NT5E: variants seen among roughly 807,000 people sequenced by gnomAD.
The protein encoded by NT5E is 5'-nucleotidase.
A neutral mutation model predicts 55.1 loss-of-function variants in NT5E; 53 were observed. The ratio of observed to expected loss-of-function variants is 0.96; its 90% CI spans 0.77 to 1.21. NT5E has a LOEUF of 1.21. NT5E is among the 50% of genes most tolerant of loss of function. The pLI is 0.00. For synonymous variants in NT5E, 270 were observed against 278.4 expected, an observed-to-expected ratio of 0.97 and a Z score of 0.30; for missense variants, 683 against 724.3, an observed-to-expected ratio of 0.94 and a Z score of 0.65.
chr6:85,469,004 C>A (rs1769250243), intron 2 of NT5E, among the ~76,000 whole-genome samples: 1 of 152,218 alleles, frequency 6.6e-6, no homozygotes, highest in South Asian at 2.1e-4. Flanking sequence ...TCCAAGACTA[C>A]AGGCCCAGCG....
intron 3 of NT5E, 135 bp downstream of exon 3, chr6:85,471,560 G>A (rs146176862): frequency 3.6e-4 from 168 of 462,670 alleles, no homozygotes; most frequent in African/African-American, 3.1e-3. Flanking sequence ...TAATATATAT[G>A]TAATATACAT....
intron 3 of NT5E, among the ~76,000 whole-genome samples, chr6:85,473,618 C>T (rs138279598): frequency 3.1e-4 from 47 of 152,226 alleles, no homozygotes; most frequent in African/African-American, 1.0e-3. Context: ...CGTTCACATA[C>T]GAACATGCAA....
At chr6:85,488,417 A>G (rs1219395976) in intron 5 of NT5E, among the ~76,000 whole-genome samples, 1 of 152,228 alleles carries the variant, frequency 6.6e-6, no homozygotes, top group African/African-American at 2.4e-5. Flanking sequence ...CCTCAGCATC[A>G]TGCAGTCAAT....
chr6:85,473,235 G>T (rs541797789), intron 3 of NT5E, among the ~76,000 whole-genome samples: 1 of 152,168 alleles, frequency 6.6e-6, no homozygotes, highest in African/African-American at 2.4e-5. Flanking sequence ...ACCACTAATG[G>T]TGGGGTCCTT....
chr6:85,471,938 C>T (rs928648816), intron 3 of NT5E, among the ~76,000 whole-genome samples: 2 of 152,176 alleles, frequency 1.3e-5, no homozygotes, highest in Non-Finnish European at 2.9e-5. Flanking sequence ...CTGGAAGCCA[C>T]ATGACCCTGG....
chr6:85,482,266 G>A (rs1421150830), intron 3 of NT5E, among the ~76,000 whole-genome samples: 4 of 152,072 alleles, frequency 2.6e-5, no homozygotes, highest in South Asian at 2.1e-4. Context: ...AGGCCAAGGC[G>A]AGAGGACTGC....
chr6:85,476,161 T>C (rs17220898), intron 3 of NT5E, among the ~76,000 whole-genome samples: 12,488 of 152,188 alleles, frequency 0.082, 575 homozygotes, highest in Admixed American at 0.1. Context: ...GTTGATCCAA[T>C]ACCCCAAGTT....
At chr6:85,471,773 C>T (rs1320190925) in intron 3 of NT5E, among the ~76,000 whole-genome samples, 1 of 151,942 alleles carries the variant, frequency 6.6e-6, no homozygotes, top group Non-Finnish European at 1.5e-5. Flanking sequence ...TATCAAAAAG[C>T]AACATGTCAT....
rs1441177104 is a variant in NT5E at position 85,450,404 on chromosome 6, G to A, written c.265G>A (p.Gly89Ser). The A allele has an allele frequency of 1.9e-6, 3 of 1,602,592 alleles. No homozygotes were observed. Among genetic ancestry groups the A allele is most frequent in the East Asian group, 4.5e-5 (2 of 44,452 alleles). The part of the protein sequence containing the change: ...LLLDAGDQYQ[G>S]TIWFTVYKGA... Reference sequence around the variant, plus strand: ...GCTGGACGCCGGCGACCAGTACCAGGGCACTATCTGGTTCACCGTGTACAA... The same window carrying A: ...GCTGGACGCCGGCGACCAGTACCAGAGCACTATCTGGTTCACCGTGTACAA... Residue 89 changes from glycine (G) to serine (S), a missense_variant, in exon 1 of 9, where the codon GGC becomes AGC. Physicochemically the swap from Gly to Ser is moderately conservative, Grantham distance 56. Transcript: ENST00000257770. The surrounding 1 kb of genome is among the most constrained non-coding windows in gnomAD (Gnocchi z 4.0).
intron 2 of NT5E, among the ~76,000 whole-genome samples, chr6:85,469,827 G>A (rs1769268178): frequency 6.6e-6 from 1 of 152,224 alleles, no homozygotes; most frequent in African/African-American, 2.4e-5. Flanking sequence ...TATGATGTCA[G>A]CCATGAATTA....
intron 6 of NT5E, among the ~76,000 whole-genome samples, chr6:85,489,832 T>G (rs921794734): frequency 6.6e-6 from 1 of 152,308 alleles, no homozygotes; most frequent in Non-Finnish European, 1.5e-5. Context: ...ACACAGAAGC[T>G]GCAGGTAAGG....
intron 3 of NT5E, among the ~76,000 whole-genome samples, chr6:85,481,657 G>A (rs1769554173): frequency 1.3e-5 from 2 of 152,306 alleles, no homozygotes; most frequent in South Asian, 2.1e-4. Context: ...TCCTGGGCAC[G>A]TGGGTGTGGT....
intron 1 of NT5E, among the ~76,000 whole-genome samples, chr6:85,459,714 T>G (rs533345550): frequency 6.6e-6 from 1 of 152,346 alleles, no homozygotes; most frequent in East Asian, 1.9e-4. Flanking sequence ...CCTGTTGTTA[T>G]TGTTAAATGA....
At position 85,490,525 on chromosome 6, in the gene NT5E, A is replaced by T; in HGVS notation, c.1228A>T (p.Asn410Tyr). Reference protein sequence around the residue: ...ERNNGTITWENLAAVLPFGGT... With the variant: ...ERNNGTITWEYLAAVLPFGGT... ...ACCCTCAGGCACAATTACCTGGGAG[A>T]ACCTGGCTGCTGTATTGCCCTTTGG... Residue 410 changes from asparagine to tyrosine, a missense_variant, in exon 7 of 9, where the codon AAC becomes TAC. Asn to Tyr is a moderately radical substitution (Grantham distance 143). Coordinates refer to ENST00000257770, the MANE Select transcript of NT5E (RefSeq NM_002526.4). The T allele has an allele frequency of 1.2e-6, 2 of 1,614,108 alleles. No individual in the cohort carries two copies. Among genetic ancestry groups the T allele is most frequent in the Middle Eastern group, 1.7e-4 (1 of 6,060 alleles).
chr6:85,469,388 T>C (rs113492736), intron 2 of NT5E, among the ~76,000 whole-genome samples: 2,077 of 152,236 alleles, frequency 0.014, 46 homozygotes, highest in African/African-American at 0.048. Flanking sequence ...CCAGGCACTG[T>C]TTTAGGCACC....
intron 5 of NT5E, among the ~76,000 whole-genome samples, chr6:85,488,676 G>T (rs1032704985): frequency 2.0e-5 from 3 of 152,246 alleles, no homozygotes; most frequent in African/African-American, 7.2e-5. Context: ...CGTCCCTTGG[G>T]TTCAAGCGAT....
Position 85,450,365 on chromosome 6 carries a change from C to T in NT5E, c.226C>T (p.Pro76Ser). The T allele has an allele frequency of 6.3e-7, 1 of 1,596,802 alleles. No individual in the cohort carries two copies. The highest frequency in any genetic ancestry group is 2.3e-5 in the East Asian group (1 of 44,214). Residue 76 changes from proline (P) to serine (S), a missense_variant, in exon 1 of 9, where the codon CCC becomes TCC. By Grantham distance (74) the Pro-to-Ser change is moderately conservative. Coordinates refer to ENST00000257770, the MANE Select transcript of NT5E (RefSeq NM_002526.4). The surrounding 1 kb of genome is among the most constrained non-coding windows in gnomAD (Gnocchi z 4.0). The part of the protein sequence containing the change: ...TKVQQIRRAE[P>S]NVLLLDAGDQ... ...GGTTCAGCAGATCCGCCGCGCCGAA[C>T]CCAACGTGCTGCTGCTGGACGCCGG...
At position 85,494,251 on chromosome 6, in the gene NT5E, C is replaced by A; in HGVS notation, c.*247C>A. ...GCCAACTATGTTAAGTTTACGTGTC[C>A]AAATTTTAATGAAATTTTACTAACA... On this transcript the variant is annotated 3_prime_UTR_variant, in exon 9 of 9. Coordinates refer to ENST00000257770, the MANE Select transcript of NT5E (RefSeq NM_002526.4). 6 of 478,086 alleles carry A rather than the reference C, an allele frequency of 1.3e-5. No individual in the cohort carries two copies. Among genetic ancestry groups the A allele is most frequent in the East Asian group, 3.5e-5 (1 of 28,684 alleles). 29.6% of individuals were successfully genotyped at this position (478,086 alleles called of 1,614,324 possible).
At chr6:85,473,577 G>A (rs147043297) in intron 3 of NT5E, among the ~76,000 whole-genome samples, 9 of 152,222 alleles carry the variant, frequency 5.9e-5, no homozygotes, top group Non-Finnish European at 8.8e-5. Flanking sequence ...TAGACAGGGA[G>A]CCAAAACACA....
Sources: gnomAD v4.1 joint callset for allele counts (sites outside exome capture counted in the v4.1 genomes callset) on GRCh38, gnomAD v4.1.1 for gene constraint, Gnocchi (gnomAD v3.1) non-coding constraint, MANE v1.5 for transcripts, NCBI Gene and HGNC (gene_info 2026-07-23, HGNC 2026-07-21) for gene names.